CTR9: variants seen among roughly 807,000 people sequenced by gnomAD.
The protein encoded by CTR9 is RNA polymerase-associated protein CTR9 homolog.
A neutral mutation model predicts 152.1 loss-of-function variants in CTR9; 41 were observed. The ratio of observed to expected loss-of-function variants is 0.27; its 90% confidence interval spans 0.21 to 0.35. CTR9 has a LOEUF of 0.35. Ranked by LOEUF, CTR9 falls within the 10% of genes least tolerant of loss-of-function variation. The pLI is 1.00. For missense variants in CTR9, 917 were observed against 1,424.4 expected (o/e 0.64, Z 5.73); for synonymous variants, 476 against 496.2 (o/e 0.96, Z 0.54).
chr11:10,770,213 GA>G lies in CTR9; in HGVS notation c.2117del (p.Asn706ThrfsTer36). 6.2e-7 allele frequency: 1 copy of G among 1,604,530 alleles called. No homozygotes were observed. Among genetic ancestry groups the G allele is most frequent in the South Asian group, 1.1e-5 (1 of 88,816 alleles). ...TAACTTTTTTCTTTTACTGTAGTATGAAAACTGCCTCCGAAAGTTCTATAAG... is the reference window on the plus strand; with the variant it reads ...TAACTTTTTTCTTTTACTGTAGTATGAAACTGCCTCCGAAAGTTCTATAAG... The part of the protein sequence containing the change: ...KQYISAVQMY[E>X]NCLRKFYKHQ... On this transcript the variant is annotated frameshift_variant, in exon 17 of 25. Coordinates refer to ENST00000361367, the MANE Select transcript of CTR9 (RefSeq NM_014633.5). LOFTEE classifies it high-confidence loss of function.
In CTR9 at chr11:10,770,393, G is replaced by A. The variant is rs145809346; in HGVS notation, c.2226+67G>A. 2,136 of 1,572,726 alleles carry A rather than the reference G, an allele frequency of 1.4e-3. 35 individuals are homozygous for A. The African/African-American group carries it at 0.026, about 19-fold the overall frequency. ...ATTGTATTTTTTAATTCTTCGTGAT[G>A]CGTGTTCACATACCTACTACTTAAT... On this transcript the variant is annotated intron_variant, in intron 17 of 24. Coordinates refer to ENST00000361367, the MANE Select transcript of CTR9 (RefSeq NM_014633.5).
In CTR9 at chr11:10,778,712, A is replaced by AG; in HGVS notation, c.3130dup (p.Asp1044GlyfsTer15). ...GGAACAGCAACAGCAACAGTGACTC[A>AG]GACGAGGACGAACAACGAAAGAAAT... On this transcript the variant is annotated frameshift_variant, in exon 25 of 25. Transcript: ENST00000361367. LOFTEE classifies it high-confidence loss of function. 6.2e-7 allele frequency: 1 copy of AG among 1,613,630 alleles called. No homozygotes were observed. The highest frequency in any genetic ancestry group is 8.5e-7 in the Non-Finnish European group (1 of 1,179,584).
At chr11:10,777,571 G>T (rs1863263013) in intron 24 of CTR9, among the ~76,000 whole-genome samples, 1 of 152,160 alleles carries the variant, frequency 6.6e-6, no homozygotes, top group South Asian at 2.1e-4. Context: ...TTCAAAGACT[G>T]AGCACTATTA....
At chr11:10,753,943 T>A (rs1446573846) in intron 2 of CTR9, among the ~76,000 whole-genome samples, 5 of 152,154 alleles carry the variant, frequency 3.3e-5, no homozygotes, top group Admixed American at 6.5e-5. Context: ...AATATAGAGA[T>A]GTTAGCATCT....
At chr11:10,757,517 G>T (rs1472716451) in intron 5 of CTR9, among the ~76,000 whole-genome samples, 2 of 151,940 alleles carry the variant, frequency 1.3e-5, no homozygotes, top group Non-Finnish European at 2.9e-5. Flanking sequence ...ATTTGAGGCT[G>T]CAGTGAGCCA....
Position 10,762,066 on chromosome 11 carries a change from T to G in CTR9, c.849+12T>G. On this transcript the variant is annotated intron_variant, in intron 7 of 24. Coordinates refer to ENST00000361367, the MANE Select transcript of CTR9 (RefSeq NM_014633.5). ...TTTTCTTCAAAAAGGTAGAAGTCAT[T>G]TATTTTTAAATTCTGATTTTTGTTT... 1 of 1,490,618 alleles carries G rather than the reference T, an allele frequency of 6.7e-7. No individual in the cohort carries two copies. The highest frequency in any genetic ancestry group is 9.2e-7 in the Non-Finnish European group (1 of 1,091,606). 92.3% of individuals were successfully genotyped at this position (1,490,618 alleles called of 1,614,324 possible).
intron 6 of CTR9, among the ~76,000 whole-genome samples, chr11:10,761,190 A>G (rs895288432): frequency 6.6e-6 from 1 of 152,160 alleles, no homozygotes; most frequent in South Asian, 2.1e-4. Flanking sequence ...TCCAATTGTG[A>G]TAACCAAACA....
intron 6 of CTR9, among the ~76,000 whole-genome samples, chr11:10,760,557 G>T (rs959605675): frequency 1.7e-4 from 26 of 150,856 alleles, no homozygotes; most frequent in Non-Finnish European, 3.2e-4. Context: ...TACAATTCAG[G>T]TAGTATTGCC....
In CTR9 at chr11:10,779,194, T is replaced by C; in HGVS notation, c.*89T>C. ...AAAAATGTTTCAGATGTTTAGTCAA[T>C]TGTGAAATTTTTCTTAAGGCAATTT... On this transcript the variant is annotated 3_prime_UTR_variant, in exon 25 of 25. Transcript: ENST00000361367. 3 of 1,367,466 alleles carry C rather than the reference T, an allele frequency of 2.2e-6. No homozygotes were observed. The South Asian group carries it at 4.5e-5, about 20-fold the overall frequency. 84.7% of individuals were successfully genotyped at this position (1,367,466 alleles called of 1,614,324 possible). A position where few individuals can be genotyped will look rare whatever the true frequency, so the allele number is the denominator to read the frequency against.
rs1863079706 is a variant in CTR9 at position 10,767,607 on chromosome 11, T to C, written c.1687-199T>C. Reference sequence around the variant, plus strand: ...AAGCATTAATTAAAGTGGTGCAATTTTGTATAACTTAGCTTTAGCATTAGT... The same window carrying C: ...AAGCATTAATTAAAGTGGTGCAATTCTGTATAACTTAGCTTTAGCATTAGT... On this transcript the variant is annotated intron_variant, in intron 13 of 24. Coordinates refer to ENST00000361367, the MANE Select transcript of CTR9 (RefSeq NM_014633.5). The surrounding 1 kb of genome is among the most constrained non-coding windows in gnomAD (Gnocchi z 4.0). 1.8e-6 allele frequency: 1 copy of C among 563,174 alleles called. No individual in the cohort carries two copies. Among genetic ancestry groups the C allele is most frequent in the Non-Finnish European group, 3.2e-6 (1 of 316,534 alleles). 34.9% of individuals were successfully genotyped at this position (563,174 alleles called of 1,614,324 possible). A position where few individuals can be genotyped will look rare whatever the true frequency, so the allele number is the denominator to read the frequency against.
rs1479671141 is a variant in CTR9, at chr11:10,756,826, C to T, written c.580C>T (p.Pro194Ser). 6.2e-7 allele frequency: 1 copy of T among 1,610,570 alleles called. No homozygotes were observed. Among genetic ancestry groups the T allele is most frequent in the Non-Finnish European group, 8.5e-7 (1 of 1,177,732 alleles). Residue 194 changes from proline to serine, a missense_variant, in exon 5 of 25, where the codon CCA (proline) becomes TCA (serine). By Grantham distance (74) the Pro-to-Ser change is moderately conservative. Transcript: ENST00000361367. ...CTATAAGAAAGCATTGCGTACTAAC[C>T]CAGGATGTCCAGGTAAGAGAAAAAT... ...AYYKKALRTN[P>S]GCPAEVRLGM...
chr11:10,763,968 T>C, intron 9 of CTR9, 89 bp downstream of exon 9: 3 of 1,326,998 alleles, frequency 2.3e-6, no homozygotes, highest in African/African-American at 1.5e-5. Flanking sequence ...AGTAGAAATA[T>C]GATAGAAACA....
At position 10,763,927 on chromosome 11, in the gene CTR9, A is replaced by C. The variant is rs374903987; in HGVS notation, c.1194+48A>C. The C allele has an allele frequency of 6.2e-6, 9 of 1,448,412 alleles. No homozygotes were observed. The African/African-American group carries it at 1.3e-4, about 21-fold the overall frequency. The allele number at this position is 1,448,412 out of a possible 1,614,324, so 89.7% of individuals were successfully genotyped here. On this transcript the variant is annotated intron_variant, in intron 9 of 24. Coordinates refer to ENST00000361367, the MANE Select transcript of CTR9 (RefSeq NM_014633.5). ...TAGCTGTTTTCTGTTAGCTGTCCCA[A>C]AACTCCCATTTCTCATTTCCTGTTA...
At chr11:10,754,873 A>G in intron 2 of CTR9, 85 bp from the exon 3 acceptor site, 1 of 1,398,990 alleles carries the variant, frequency 7.1e-7, no homozygotes, top group Admixed American at 2.4e-5. Flanking sequence ...TTGTTATTAC[A>G]AATAAAGCTG....
intron 17 of CTR9, 41 bp from the exon 18 acceptor site, chr11:10,770,446 A>C (rs1177352977): frequency 1.3e-6 from 2 of 1,598,388 alleles, no homozygotes; most frequent in Non-Finnish European, 1.7e-6. Context: ...GATCCTTTTC[A>C]TGTCATTTGA....
intron 9 of CTR9, 56 bp from the exon 10 acceptor site, chr11:10,764,056 T>C: frequency 6.4e-7 from 1 of 1,564,120 alleles, no homozygotes; most frequent in Non-Finnish European, 8.8e-7. Flanking sequence ...CCCCCACTTT[T>C]TATTTTGACA....
chr11:10,755,546 G>A, intron 3 of CTR9, 132 bp from the exon 4 acceptor site: 1 of 600,398 alleles, frequency 1.7e-6, no homozygotes. Context: ...TTGCTTGTTA[G>A]TAGCTTAAGC....
chr11:10,771,490 T>C, intron 18 of CTR9, 55 bp from the exon 19 acceptor site: 1 of 1,308,622 alleles, frequency 7.6e-7, no homozygotes, highest in Non-Finnish European at 1.1e-6. Context: ...TTTAAGAGCT[T>C]TATTTCATTA....
In CTR9 at chr11:10,761,608, T is replaced by C. The variant is rs375863104; in HGVS notation, c.742-339T>C. Among the ~76,000 whole-genome samples, 6 of 152,016 alleles carry C rather than the reference T, an allele frequency of 3.9e-5. No individual in the cohort carries two copies. The East Asian group carries it at 1.2e-3, about 29-fold the overall frequency. On this transcript the variant is annotated intron_variant, in intron 6 of 24. Coordinates refer to ENST00000361367, the MANE Select transcript of CTR9 (RefSeq NM_014633.5). ...CTGGGCAACACAGTGAGATCCTGTC[T>C]GAAAAAAATAAAAATTAATATAAAT...
Sources: allele counts gnomAD v4.1 joint callset (sites outside exome capture counted in the v4.1 genomes callset), GRCh38; gene constraint gnomAD v4.1.1; non-coding constraint Gnocchi (gnomAD v3.1); transcripts MANE v1.5; gene names NCBI Gene and HGNC (gene_info 2026-07-23, HGNC 2026-07-21).